Variants in TAB2 observed in about 807,000 individuals in gnomAD.
The protein encoded by TAB2 is TGF-beta-activated kinase 1 and MAP3K7-binding protein 2.
In TAB2, 3 loss-of-function variants were observed where a neutral mutation model predicts 65.0. The observed-to-expected ratio is 0.05, with a 90% CI of 0.02 to 0.12. The LOEUF (loss-of-function observed/expected upper bound fraction) is 0.12, where lower values mean the gene tolerates loss of function less well. Ranked by LOEUF, TAB2 falls within the 10% of genes least tolerant of loss-of-function variation. The probability of loss-of-function intolerance (pLI) is 1.00; values close to 1 mark genes in which losing one functional copy is unlikely to be tolerated. For synonymous variants in TAB2, 298 were observed against 285.1 expected (o/e 1.05, Z -0.46); for missense variants, 623 against 840.3 (o/e 0.74, Z 3.20).
intron 1 of TAB2, among the ~76,000 whole-genome samples, chr6:149,367,933 CAGTT>C (rs1775310595): frequency 6.6e-6 from 1 of 151,994 alleles, no homozygotes; most frequent in Admixed American, 6.6e-5. Context: ...AAGGAGATGT[CAGTT>C]AGCCAGTTGG....
intron 1 of TAB2, among the ~76,000 whole-genome samples, chr6:149,282,178 T>G (rs900976080): frequency 1.3e-5 from 2 of 151,514 alleles, no homozygotes; most frequent in Non-Finnish European, 2.9e-5. Flanking sequence ...AAAAAAAATG[T>G]CATTTTATAT....
At chr6:149,368,065 T>C (rs757937957) in intron 1 of TAB2, among the ~76,000 whole-genome samples, 3 of 152,150 alleles carry the variant, frequency 2.0e-5, no homozygotes, top group Admixed American at 6.6e-5. Flanking sequence ...TGAATGTAGA[T>C]ATAGTTGAAA....
intron 3 of TAB2, among the ~76,000 whole-genome samples, chr6:149,394,834 C>T (rs1583155819): frequency 6.6e-6 from 1 of 152,194 alleles, no homozygotes; most frequent in Admixed American, 6.5e-5. Flanking sequence ...CAAGGCTCTA[C>T]GTGATCTGGT....
At chr6:149,265,375 A>G (rs1778241430) in intron 1 of TAB2, among the ~76,000 whole-genome samples, 1 of 152,196 alleles carries the variant, frequency 6.6e-6, no homozygotes, top group South Asian at 2.1e-4. Flanking sequence ...GTTTTCCAAC[A>G]TCTGAACATC....
chr6:149,379,601 A>G, intron 3 of TAB2, 83 bp downstream of exon 3: 4 of 1,326,364 alleles, frequency 3.0e-6, no homozygotes, highest in Middle Eastern at 1.8e-4. Flanking sequence ...AATGGATGTT[A>G]GCATTGTTAT....
chr6:149,302,965 G>A (rs181080713), intron 1 of TAB2, among the ~76,000 whole-genome samples: 6 of 152,240 alleles, frequency 3.9e-5, no homozygotes, highest in African/African-American at 1.4e-4. Context: ...CCTCCTGTCA[G>A]GTCAGTGGTA....
At chr6:149,236,424 C>T (rs1416430246) in intron 1 of TAB2, among the ~76,000 whole-genome samples, 1 of 152,128 alleles carries the variant, frequency 6.6e-6, no homozygotes, top group Non-Finnish European at 1.5e-5. Flanking sequence ...TTATTTCTGC[C>T]TCGATTTCTT....
At chr6:149,220,172 G>A (rs1192169684) in intron 1 of TAB2, among the ~76,000 whole-genome samples, 1 of 152,154 alleles carries the variant, frequency 6.6e-6, no homozygotes, top group Non-Finnish European at 1.5e-5. Flanking sequence ...CTGTTACGCT[G>A]TCTTGGTTGA....
chr6:149,314,352 C>G (rs60725681), upstream of TAB2, among the ~76,000 whole-genome samples: 3,492 of 152,248 alleles, frequency 0.023, 141 homozygotes, highest in African/African-American at 0.08. Flanking sequence ...AGAGAACAGT[C>G]CAGGCTCAGC....
chr6:149,391,261 C>G (rs1208064238), intron 3 of TAB2, among the ~76,000 whole-genome samples: 1 of 151,414 alleles, frequency 6.6e-6, no homozygotes, highest in Non-Finnish European at 1.5e-5. Context: ...TTTTTTCTTT[C>G]TGGAAATTTT....
intron 1 of TAB2, among the ~76,000 whole-genome samples, chr6:149,274,725 A>C (rs1778423405): frequency 6.6e-6 from 1 of 152,232 alleles, no homozygotes; most frequent in Non-Finnish European, 1.5e-5. Context: ...GTGAGGACCA[A>C]GGCAATGCTT....
chr6:149,378,583 G>A lies in TAB2; in HGVS notation c.668G>A (p.Gly223Asp). 1 of 1,613,720 alleles carries A rather than the reference G, an allele frequency of 6.2e-7. No individual in the cohort carries two copies. The highest frequency in any genetic ancestry group is 8.5e-7 in the Non-Finnish European group (1 of 1,180,036). ...IYIRPYITTP[G>D]GTTRQTQQHS... ...ATTAGGCCTTACATTACAACTCCTG[G>A]TGGTACAACTCGACAGACACAACAG... The change falls in exon 3 of 7, where the codon GGT becomes GAT. Residue 223 changes from glycine to aspartate, a missense_variant. By Grantham distance (94) the Gly-to-Asp change is moderately conservative. Coordinates refer to ENST00000637181, the MANE Select transcript of TAB2 (RefSeq NM_001292034.3).
At chr6:149,316,446 T>C (rs934965336), upstream of TAB2, among the ~76,000 whole-genome samples, 1 of 152,224 alleles carries the variant, frequency 6.6e-6, no homozygotes, top group African/African-American at 2.4e-5. Context: ...GAAATAAAAG[T>C]ATAAAAATGG....
At position 149,378,537 on chromosome 6, in the gene TAB2, C is replaced by A; in HGVS notation, c.622C>A (p.Pro208Thr). The stretch of plus-strand genomic sequence containing the variant: ...TGTACCTCCACCTGTACTTAACAGT[C>A]CACAGGGAAATTCTATCTATATTAG... Reference protein sequence around the residue: ...HGVPPPVLNSPQGNSIYIRPY... With the variant: ...HGVPPPVLNSTQGNSIYIRPY... The change falls in exon 3 of 7, where the codon CCA becomes ACA. Residue 208 changes from proline to threonine, a missense_variant. Pro to Thr is a conservative substitution (Grantham distance 38). Transcript: ENST00000637181. 6.2e-7 allele frequency: 1 copy of A among 1,614,120 alleles called. No individual in the cohort carries two copies. The highest frequency in any genetic ancestry group is 8.5e-7 in the Non-Finnish European group (1 of 1,180,036).
chr6:149,284,805 G>C (rs1429179377), intron 1 of TAB2, among the ~76,000 whole-genome samples: 1 of 152,082 alleles, frequency 6.6e-6, no homozygotes, highest in Non-Finnish European at 1.5e-5. Context: ...AACATCTAAA[G>C]AACTGCCTCT....
intron 1 of TAB2, among the ~76,000 whole-genome samples, chr6:149,362,801 T>C (rs1163249718): frequency 6.6e-6 from 1 of 152,166 alleles, no homozygotes; most frequent in South Asian, 2.1e-4. Flanking sequence ...GAGGTGTTGT[T>C]TTGTTTTTAA....
chr6:149,408,351 A>G (rs1041923493), intron 6 of TAB2, among the ~76,000 whole-genome samples: 4 of 152,170 alleles, frequency 2.6e-5, no homozygotes, highest in African/African-American at 4.8e-5. Context: ...AATTGTGACA[A>G]TGGAAAGCCA....
intron 1 of TAB2, among the ~76,000 whole-genome samples, chr6:149,229,717 T>G (rs1452905796): frequency 6.6e-6 from 1 of 152,178 alleles, no homozygotes; most frequent in Non-Finnish European, 1.5e-5. Flanking sequence ...GTACTCTCTC[T>G]GGGTCAGTGA....
chr6:149,223,248 T>C (rs1777192442), intron 1 of TAB2, among the ~76,000 whole-genome samples: 1 of 152,256 alleles, frequency 6.6e-6, no homozygotes, highest in South Asian at 2.1e-4. Context: ...GTCTGTTTTA[T>C]GTTTCTGTGG....
Sources: gnomAD v4.1 joint callset for allele counts (sites outside exome capture counted in the v4.1 genomes callset) on GRCh38, gnomAD v4.1.1 for gene constraint, MANE v1.5 for transcripts, NCBI Gene and HGNC (gene_info 2026-07-23, HGNC 2026-07-21) for gene names.